The following C19orf44 variants were observed in gnomAD, a reference collection of about 807,000 sequenced individuals.
The protein encoded by C19orf44 is uncharacterized protein C19orf44.
C19orf44 carries 43 observed loss-of-function variants against 50.7 expected under a neutral mutation model. The ratio of observed to expected loss-of-function variants is 0.85; its 90% CI spans 0.66 to 1.09. The LOEUF is 1.09. Among genes scored for constraint, C19orf44 ranks in the 50% least tolerant of loss-of-function variants. The probability of loss-of-function intolerance (pLI) is 0.00; values close to 1 mark genes in which losing one functional copy is unlikely to be tolerated. For missense variants in C19orf44, 722 were observed against 836.2 expected, an observed-to-expected ratio of 0.86 and a Z score of 1.68; for synonymous variants, 298 against 334.7, an observed-to-expected ratio of 0.89 and a Z score of 1.20.
rs563213714 is a variant in C19orf44 at position 16,519,145 on chromosome 19, C to G, written c.*41-949C>G. 2.4e-5 allele frequency: 38 copies of G among 1,608,450 alleles called. No homozygotes were observed. The highest frequency in any genetic ancestry group is 2.7e-5 in the Non-Finnish European group (32 of 1,178,092). ...GGCACCGCTGGCCACCGGCGCGGCTCCCGGCATGGGCGCCTACTTACACTC... is the reference window on the plus strand; with the variant it reads ...GGCACCGCTGGCCACCGGCGCGGCTGCCGGCATGGGCGCCTACTTACACTC... On this transcript the variant is annotated intron_variant, in intron 8 of 8. Coordinates refer to ENST00000221671, the MANE Select transcript of C19orf44 (RefSeq NM_032207.4). This position sits in a 1 kb window ranked among gnomAD's most constrained non-coding sequence, Gnocchi z 6.0.
In C19orf44 at chr19:16,519,673, A is replaced by G; in HGVS notation, c.*41-421A>G. Reference sequence around the variant, plus strand: ...TGTTCTCTTCTCCGAGCCTTGAGTCAGGGATGGGAGGCGCCGAATTAGAAC... The same window carrying G: ...TGTTCTCTTCTCCGAGCCTTGAGTCGGGGATGGGAGGCGCCGAATTAGAAC... On this transcript the variant is annotated intron_variant, in intron 8 of 8. Coordinates refer to ENST00000221671, the MANE Select transcript of C19orf44 (RefSeq NM_032207.4). The surrounding 1 kb of genome is among the most constrained non-coding windows in gnomAD (Gnocchi z 6.0). 6.2e-7 allele frequency: 1 copy of G among 1,613,986 alleles called. No individual in the cohort carries two copies. Among genetic ancestry groups the G allele is most frequent in the African/African-American group, 1.3e-5 (1 of 75,052 alleles).
chr19:16,520,533 G>A lies in C19orf44; in HGVS notation c.*480G>A. The A allele has an allele frequency of 6.2e-7, 1 of 1,600,600 alleles. No individual in the cohort carries two copies. The highest frequency in any genetic ancestry group is 1.3e-5 in the African/African-American group (1 of 74,866). On this transcript the variant is annotated 3_prime_UTR_variant, in exon 9 of 9. Transcript: ENST00000221671. The surrounding 1 kb of genome is among the most constrained non-coding windows in gnomAD (Gnocchi z 4.0). ...CTGTGGGGAGAGGCCTGATGATCAG[G>A]TGCCCCAGTGGATGGGCTGCACCCA...
chr19:16,519,109 G>A lies in C19orf44; in HGVS notation c.*41-985G>A, dbSNP rs946487192. 7 of 1,532,992 alleles carry A rather than the reference G, an allele frequency of 4.6e-6. No individual in the cohort carries two copies. The highest frequency in any genetic ancestry group is 6.2e-6 in the Non-Finnish European group (7 of 1,124,466). 95.0% of individuals were successfully genotyped at this position (1,532,992 alleles called of 1,614,324 possible). On this transcript the variant is annotated intron_variant, in intron 8 of 8. Transcript: ENST00000221671. The surrounding 1 kb of genome is among the most constrained non-coding windows in gnomAD (Gnocchi z 6.0). ...CTTCCTCTGCCAGTCAGCCAGGAAG[G>A]TCCCACAGCCGGCACCGCTGGCCAC...
chr19:16,519,415 G>T lies in C19orf44; in HGVS notation c.*41-679G>T. The T allele has an allele frequency of 6.6e-7, 1 of 1,521,438 alleles. No homozygotes were observed. The highest frequency in any genetic ancestry group is 9.0e-7 in the Non-Finnish European group (1 of 1,115,606). The allele number at this position is 1,521,438 out of a possible 1,614,324, so 94.2% of individuals were successfully genotyped here. A position where few individuals can be genotyped will look rare whatever the true frequency, so the allele number is the denominator to read the frequency against. ...GAGGCAGATGGGGGTGCACGTGGGG[G>T]GCTGAATGTCCAGACAGGCAGTGTA... is the stretch of plus-strand genomic sequence containing the variant. On this transcript the variant is annotated intron_variant, in intron 8 of 8. Coordinates refer to ENST00000221671, the MANE Select transcript of C19orf44 (RefSeq NM_032207.4). This position sits in a 1 kb window ranked among gnomAD's most constrained non-coding sequence, Gnocchi z 6.0.
chr19:16,519,866 T>C lies in C19orf44; in HGVS notation c.*41-228T>C. On this transcript the variant is annotated intron_variant, in intron 8 of 8. Transcript: ENST00000221671. The surrounding 1 kb of genome is among the most constrained non-coding windows in gnomAD (Gnocchi z 6.0). ...ATTTTGCGTCTCTACCCGTTTATCC[T>C]GTCTCAGCTAGATAAGGGGGCTCCA... 1 of 746,686 alleles carries C rather than the reference T, an allele frequency of 1.3e-6. No homozygotes were observed. The allele number at this position is 746,686 out of a possible 1,614,324, so 46.3% of individuals were successfully genotyped here. A position where few individuals can be genotyped will look rare whatever the true frequency, so the allele number is the denominator to read the frequency against.
chr19:16,520,793 C>G lies in C19orf44; in HGVS notation c.*740C>G. On this transcript the variant is annotated 3_prime_UTR_variant, in exon 9 of 9. Coordinates refer to ENST00000221671, the MANE Select transcript of C19orf44 (RefSeq NM_032207.4). This position sits in a 1 kb window ranked among gnomAD's most constrained non-coding sequence, Gnocchi z 4.0. ...ACCCATCACAAGCTGTGGACCCTGGCCCCCCGGCCACTGCAGACATCTGCG... is the reference window on the plus strand; with the variant it reads ...ACCCATCACAAGCTGTGGACCCTGGGCCCCCGGCCACTGCAGACATCTGCG... The G allele has an allele frequency of 6.3e-7, 1 of 1,591,196 alleles. No homozygotes were observed. The highest frequency in any genetic ancestry group is 8.6e-7 in the Non-Finnish European group (1 of 1,160,922).
At position 16,519,044 on chromosome 19, in the gene C19orf44, A is replaced by C. The variant is rs138776573; in HGVS notation, c.*41-1050A>C. 4.2e-6 allele frequency: 4 copies of C among 960,928 alleles called. No individual in the cohort carries two copies. The highest frequency in any genetic ancestry group is 2.6e-4 in the Middle Eastern group (1 of 3,794). The allele number at this position is 960,928 out of a possible 1,614,324, so 59.5% of individuals were successfully genotyped here. A position where few individuals can be genotyped will look rare whatever the true frequency, so the allele number is the denominator to read the frequency against. On this transcript the variant is annotated intron_variant, in intron 8 of 8. Transcript: ENST00000221671. The surrounding 1 kb of genome is among the most constrained non-coding windows in gnomAD (Gnocchi z 6.0). The stretch of plus-strand genomic sequence containing the variant: ...CTTCCTTCTCTTCCTGTGGCTCTCC[A>C]CAAGTGGAGACGGTGTAAGAACTGA...
Position 16,509,722 on chromosome 19 carries a change from C to T in C19orf44, c.1373C>T (p.Ala458Val), listed in dbSNP as rs1205781314. Residue 458 changes from alanine (A) to valine (V), a missense_variant, in exon 5 of 9, where the codon GCC becomes GTC. Coordinates refer to ENST00000221671, the MANE Select transcript of C19orf44 (RefSeq NM_032207.4). ...STSSMQPPSE[A>V]PMVNTVSSAY... ...TCCAGCATGCAGCCACCATCTGAAG[C>T]CCCCATGGTGAACACAGTCAGCTCA... 3 of 1,614,232 alleles carry T rather than the reference C, an allele frequency of 1.9e-6. No individual in the cohort carries two copies. The highest frequency in any genetic ancestry group is 2.7e-5 in the African/African-American group (2 of 75,070).
chr19:16,503,411 C>G, intron 3 of C19orf44, 31 bp downstream of exon 3: 2 of 1,582,058 alleles, frequency 1.3e-6, no homozygotes, highest in Non-Finnish European at 1.7e-6. Flanking sequence ...AAGCCAGTAC[C>G]TTGGGCAGGA....
At position 16,519,830 on chromosome 19, in the gene C19orf44, A is replaced by C. The variant is rs2085591456; in HGVS notation, c.*41-264A>C. The C allele has an allele frequency of 4.3e-6, 4 of 929,986 alleles. No individual in the cohort carries two copies. In the South Asian group the frequency reaches 5.4e-5, roughly 13 times the overall value. The allele number at this position is 929,986 out of a possible 1,614,324, so 57.6% of individuals were successfully genotyped here. ...TGCATGCTCACTGTCACCAGGTGAC[A>C]CCGTATGCAGATTTTGCGTCTCTAC... On this transcript the variant is annotated intron_variant, in intron 8 of 8. Coordinates refer to ENST00000221671, the MANE Select transcript of C19orf44 (RefSeq NM_032207.4). The surrounding 1 kb of genome is among the most constrained non-coding windows in gnomAD (Gnocchi z 6.0).
At chr19:16,503,471 C>G (rs1420312973) in intron 3 of C19orf44, 91 bp downstream of exon 3, 3 of 1,341,086 alleles carry the variant, frequency 2.2e-6, no homozygotes, top group Non-Finnish European at 2.0e-6. Flanking sequence ...TGGGGCATTG[C>G]CACAGGCAGG....
intron 1 of C19orf44, among the ~76,000 whole-genome samples, chr19:16,496,911 T>C (rs1010321490): frequency 1.3e-5 from 2 of 152,010 alleles, no homozygotes; most frequent in Non-Finnish European, 2.9e-5. Flanking sequence ...GAGGATCACT[T>C]GAGGCCAGGA....
At position 16,519,411 on chromosome 19, in the gene C19orf44, G is replaced by C; in HGVS notation, c.*41-683G>C. The C allele has an allele frequency of 3.9e-6, 6 of 1,535,322 alleles. No individual in the cohort carries two copies. The highest frequency in any genetic ancestry group is 1.2e-5 in the South Asian group (1 of 85,730). ...GGCGGAGGCAGATGGGGGTGCACGT[G>C]GGGGGCTGAATGTCCAGACAGGCAG... On this transcript the variant is annotated intron_variant, in intron 8 of 8. Transcript: ENST00000221671. The surrounding 1 kb of genome is among the most constrained non-coding windows in gnomAD (Gnocchi z 6.0).
intron 1 of C19orf44, among the ~76,000 whole-genome samples, chr19:16,500,222 C>G (rs1392153180): frequency 6.6e-6 from 1 of 152,144 alleles, no homozygotes; most frequent in Non-Finnish European, 1.5e-5. Context: ...AGCCACTGAG[C>G]CCAGCCATTG....
chr19:16,511,810 G>A (rs2093457966), intron 5 of C19orf44, among the ~76,000 whole-genome samples: 1 of 151,852 alleles, frequency 6.6e-6, no homozygotes, highest in African/African-American at 2.4e-5. Context: ...GAAAAATGAT[G>A]TAGTTCCCAG....
chr19:16,500,969 G>A lies in C19orf44; in HGVS notation c.177G>A (p.Glu59=), dbSNP rs2093423397. The change falls in exon 2 of 9, where the codon GAG becomes GAA. Residue 59 remains glutamate (E), a synonymous_variant. Transcript: ENST00000221671. ...RFLKRNQTLD[E]KHLLLKENPV... ...TAAAAAGAAACCAAACTCTAGATGA[G>A]AAACACTTACTCCTGAAAGAGAACC... 6.2e-7 allele frequency: 1 copy of A among 1,613,508 alleles called. No homozygotes were observed. Among genetic ancestry groups the A allele is most frequent in the African/African-American group, 1.3e-5 (1 of 74,826 alleles).
chr19:16,505,060 G>A (rs1249894951), intron 3 of C19orf44, among the ~76,000 whole-genome samples: 7 of 151,564 alleles, frequency 4.6e-5, no homozygotes, highest in Non-Finnish European at 7.4e-5. Flanking sequence ...CTTGTGATCC[G>A]CCTGCCTCCG....
chr19:16,518,491 A>AG (rs1183147941), intron 8 of C19orf44: 1 of 152,228 alleles, frequency 6.6e-6, no homozygotes, highest in Non-Finnish European at 1.5e-5. Flanking sequence ...AACTGAACTA[A>AG]GGGCCAGTAC....
At position 16,501,091 on chromosome 19, in the gene C19orf44, T is replaced by C. The variant is rs1398369510; in HGVS notation, c.299T>C (p.Leu100Pro). The change falls in exon 2 of 9, where the codon CTG becomes CCG. Residue 100 changes from leucine (L) to proline (P), a missense_variant. Physicochemically the swap from Leu to Pro is moderately conservative, Grantham distance 98. Transcript: ENST00000221671. ...ANAALMKLAQ[L>P]ETRIMNRKLQ... Reference sequence around the variant, plus strand: ...GCCGCACTCATGAAGCTGGCCCAGCTGGAAACCCGGATCATGAATCGGAAG... The same window carrying C: ...GCCGCACTCATGAAGCTGGCCCAGCCGGAAACCCGGATCATGAATCGGAAG... The C allele has an allele frequency of 6.2e-7, 1 of 1,614,100 alleles. No individual in the cohort carries two copies. The highest frequency in any genetic ancestry group is 2.2e-5 in the East Asian group (1 of 44,874).
Sources: gnomAD v4.1 joint callset for allele counts (sites outside exome capture counted in the v4.1 genomes callset) on GRCh38, gnomAD v4.1.1 for gene constraint, Gnocchi (gnomAD v3.1) non-coding constraint, MANE v1.5 for transcripts, NCBI Gene and HGNC (gene_info 2026-07-23, HGNC 2026-07-21) for gene names.